The following NRXN3 variants were observed in gnomAD, a reference collection of about 807,000 sequenced individuals.
NRXN3 encodes the protein neurexin 3, also known as neurexin III.
A neutral mutation model predicts 137.6 loss-of-function variants in NRXN3; 32 were observed. The observed-to-expected ratio is 0.23, with a 90% CI of 0.18 to 0.31. The LOEUF (loss-of-function observed/expected upper bound fraction) is 0.31. Ranked by LOEUF, NRXN3 falls within the 10% of genes least tolerant of loss-of-function variation. NRXN3 has a pLI of 1.00. For synonymous variants in NRXN3, 798 were observed against 784.5 expected (o/e 1.02, Z -0.29); for missense variants, 1,574 against 2,062.5 (o/e 0.76, Z 4.59).
chr14:79,275,371 G>T (rs980961568), intron 15 of NRXN3, among the ~76,000 whole-genome samples: 4 of 152,124 alleles, frequency 2.6e-5, no homozygotes, highest in African/African-American at 9.7e-5. Context: ...GAAACAGTCG[G>T]TTCTGATGCT....
intron 15 of NRXN3, among the ~76,000 whole-genome samples, chr14:79,057,454 T>C (rs1328518241): frequency 6.6e-6 from 1 of 152,186 alleles, no homozygotes; most frequent in Non-Finnish European, 1.5e-5. Context: ...ATTCTACGAC[T>C]GAAAATGGCA....
chr14:79,448,745 G>A (rs370194128), intron 15 of NRXN3, among the ~76,000 whole-genome samples: 2 of 152,128 alleles, frequency 1.3e-5, no homozygotes, highest in Non-Finnish European at 2.9e-5. Flanking sequence ...ACACACTTAT[G>A]TATATACATA....
At chr14:79,645,772 G>C (rs1277098370) in intron 16 of NRXN3, among the ~76,000 whole-genome samples, 1 of 135,530 alleles carries the variant, frequency 7.4e-6, no homozygotes, top group African/African-American at 2.5e-5. Context: ...GACAATACTG[G>C]GAAAAAATGT....
At chr14:79,663,703 G>T in intron 16 of NRXN3, 75 bp from the exon 17 acceptor site, 1 of 1,335,992 alleles carries the variant, frequency 7.5e-7, no homozygotes, top group South Asian at 1.3e-5. Context: ...TTTATTGCTG[G>T]TTGGAGGATC....
intron 15 of NRXN3, among the ~76,000 whole-genome samples, chr14:79,147,013 G>A (rs1003734203): frequency 6.6e-6 from 1 of 152,108 alleles, no homozygotes; most frequent in Non-Finnish European, 1.5e-5. Context: ...TATCAGGTGG[G>A]AGGGGGAACA....
chr14:78,936,105 A>G (rs1032132944), intron 10 of NRXN3, among the ~76,000 whole-genome samples: 2 of 152,144 alleles, frequency 1.3e-5, no homozygotes, highest in African/African-American at 4.8e-5. Context: ...TTAGCATTAC[A>G]TGCAGTCCAT....
chr14:78,788,454 C>T (rs1193276073), intron 8 of NRXN3, among the ~76,000 whole-genome samples: 1 of 152,088 alleles, frequency 6.6e-6, no homozygotes, highest in Non-Finnish European at 1.5e-5. Flanking sequence ...GCTCCCTTGT[C>T]TTCTGTATTT....
At chr14:79,832,990 G>A (rs576478714) in intron 20 of NRXN3, among the ~76,000 whole-genome samples, 1 of 152,202 alleles carries the variant, frequency 6.6e-6, no homozygotes, top group East Asian at 1.9e-4. Context: ...ACAATGAAAA[G>A]TTATTAAGTA....
intron 15 of NRXN3, among the ~76,000 whole-genome samples, chr14:79,257,895 A>G (rs955346456): frequency 1.3e-5 from 2 of 152,054 alleles, no homozygotes; most frequent in African/African-American, 4.8e-5. Context: ...CAATAAGGAA[A>G]ATGATTCTTA....
At chr14:78,850,943 C>T (rs2099040871) in intron 10 of NRXN3, among the ~76,000 whole-genome samples, 2 of 152,104 alleles carry the variant, frequency 1.3e-5, no homozygotes. Flanking sequence ...TGTTCTTAAG[C>T]GGTTGTAGGT....
chr14:78,598,058 A>G (rs2097172226), intron 4 of NRXN3, among the ~76,000 whole-genome samples: 1 of 152,240 alleles, frequency 6.6e-6, no homozygotes, highest in Non-Finnish European at 1.5e-5. Context: ...AAAATAAAGC[A>G]AAGCCCAGAC....
intron 15 of NRXN3, among the ~76,000 whole-genome samples, chr14:79,009,036 G>A (rs759375767): frequency 6.6e-6 from 1 of 152,082 alleles, no homozygotes; most frequent in African/African-American, 2.4e-5. Context: ...GGACCTAACC[G>A]TGAGATAGTC....
Position 79,467,356 on chromosome 14 carries a change from G to A in NRXN3, c.3398G>A (p.Arg1133His), listed in dbSNP as rs767361621. Residue 1133 changes from arginine to histidine, a missense_variant, in exon 16 of 21, where the codon CGC becomes CAC. Arg to His is a conservative substitution (Grantham distance 29). Coordinates refer to ENST00000335750, the MANE Select transcript of NRXN3 (RefSeq NM_001330195.2). ...STTVKDGILV[R>H]IDSAPGLGDF... Reference sequence around the variant, plus strand: ...ACTGTGAAGGATGGCATCTTGGTCCGCATCGACAGTGCTCCAGGACTTGGT... The same window carrying A: ...ACTGTGAAGGATGGCATCTTGGTCCACATCGACAGTGCTCCAGGACTTGGT... 5.6e-6 allele frequency: 9 copies of A among 1,612,154 alleles called. No homozygotes were observed. Among genetic ancestry groups the A allele is most frequent in the East Asian group, 2.2e-5 (1 of 44,804 alleles).
At chr14:78,594,557 T>G (rs2097143868) in intron 4 of NRXN3, among the ~76,000 whole-genome samples, 1 of 152,224 alleles carries the variant, frequency 6.6e-6, no homozygotes, top group African/African-American at 2.4e-5. Context: ...CAGTAACCGA[T>G]GGCTTCCCTT....
At chr14:78,913,651 C>T (rs957898778) in intron 10 of NRXN3, among the ~76,000 whole-genome samples, 2 of 152,058 alleles carry the variant, frequency 1.3e-5, no homozygotes, top group Non-Finnish European at 2.9e-5. Context: ...TGTTCATATT[C>T]GTTGGCATGG....
chr14:79,273,058 G>A (rs145674959), intron 15 of NRXN3, among the ~76,000 whole-genome samples: 33 of 151,254 alleles, frequency 2.2e-4, no homozygotes, highest in African/African-American at 8.0e-4. Flanking sequence ...TGTAATTCCC[G>A]CTACTCGGGA....
intron 15 of NRXN3, among the ~76,000 whole-genome samples, chr14:79,104,953 G>A (rs2052100518): frequency 6.6e-6 from 1 of 151,834 alleles, no homozygotes; most frequent in Admixed American, 6.6e-5. Context: ...TTCATTGTAT[G>A]GAATAATAAT....
In NRXN3 at chr14:78,406,847, G is replaced by A. The variant is rs573515869; in HGVS notation, c.757+108987G>A. Among the ~76,000 whole-genome samples the A allele has an allele frequency of 3.3e-5, 5 of 152,228 alleles. No homozygotes were observed. The East Asian group carries it at 7.7e-4, about 24-fold the overall frequency. On this transcript the variant is annotated intron_variant, in intron 4 of 20. Transcript: ENST00000335750. ...AAGGTAGAAATCAGTGAACTGGTAGGGTCAGATCATGTCAGTGGAAATGAT... is the reference window on the plus strand; with the variant it reads ...AAGGTAGAAATCAGTGAACTGGTAGAGTCAGATCATGTCAGTGGAAATGAT...
In NRXN3 at chr14:78,709,665, G is replaced by T; in HGVS notation, c.1660+10G>T. 6.2e-7 allele frequency: 1 copy of T among 1,602,338 alleles called. No homozygotes were observed. Among genetic ancestry groups the T allele is most frequent in the East Asian group, 2.2e-5 (1 of 44,722 alleles). ...CGAGATGGCAGATCAGGTAGGAAGA[G>T]GCAGGATGTGTGACTGAGACTAGAC... On this transcript the variant is annotated intron_variant, in intron 7 of 20. Transcript: ENST00000335750.
Sources: allele counts gnomAD v4.1 joint callset (sites outside exome capture counted in the v4.1 genomes callset), GRCh38; gene constraint gnomAD v4.1.1; transcripts MANE v1.5; gene names NCBI Gene and HGNC (gene_info 2026-07-23, HGNC 2026-07-21).